The following HSD17B2 variants were observed in gnomAD, a reference collection of about 807,000 sequenced individuals.
HSD17B2 encodes 17-beta-hydroxysteroid dehydrogenase type 2.
HSD17B2 carries 32 observed loss-of-function variants against 26.9 expected under a neutral mutation model. That is an observed-to-expected ratio of 1.19 (90% CI 0.90 to 1.60). HSD17B2 has a LOEUF of 1.60. Among genes scored for constraint, HSD17B2 ranks in the 40% most tolerant of loss-of-function variants. The pLI, the probability that HSD17B2 is intolerant of heterozygous loss-of-function variation, is 0.00. For missense variants in HSD17B2, 613 were observed against 468.6 expected, an observed-to-expected ratio of 1.31 and a Z score of -2.85; for synonymous variants, 246 against 186.7, an observed-to-expected ratio of 1.32 and a Z score of -2.59.
At chr16:82,092,987 A>T (rs1466294101) in intron 4 of HSD17B2, 1 of 152,208 alleles carries the variant, frequency 6.6e-6, no homozygotes, top group Non-Finnish European at 1.5e-5. Flanking sequence ...GATTTTGGAG[A>T]TTCAGTATAA....
intron 3 of HSD17B2, among the ~76,000 whole-genome samples, chr16:82,086,457 A>G (rs1904529557): frequency 6.6e-6 from 1 of 152,228 alleles, no homozygotes; most frequent in Non-Finnish European, 1.5e-5. Context: ...TGTCAACAAT[A>G]TATCACAATG....
intron 3 of HSD17B2, among the ~76,000 whole-genome samples, chr16:82,075,430 A>T (rs1021372839): frequency 6.6e-6 from 1 of 152,096 alleles, no homozygotes; most frequent in African/African-American, 2.4e-5. Flanking sequence ...TCTGGAAAAG[A>T]TAAACAAAAT....
chr16:82,063,460 C>CA (rs1447818622), intron 1 of HSD17B2, among the ~76,000 whole-genome samples: 6 of 152,052 alleles, frequency 3.9e-5, no homozygotes, highest in Admixed American at 1.3e-4. Context: ...GCTAGACTCG[C>CA]ACCCATTCGC....
intron 1 of HSD17B2, 73 bp downstream of exon 1, chr16:82,035,762 A>T: frequency 1.4e-6 from 2 of 1,469,556 alleles, no homozygotes; most frequent in Non-Finnish European, 1.9e-6. Context: ...GGACTTTGTC[A>T]AATCTGGCTT....
rs540267714 is a variant in HSD17B2 at position 82,070,546 on chromosome 16, T to C, written c.479-396T>C. Among the ~76,000 whole-genome samples, 5 of 152,382 alleles carry C rather than the reference T, an allele frequency of 3.3e-5. No individual in the cohort carries two copies. The East Asian group carries it at 9.6e-4, about 29-fold the overall frequency. ...CGTGTTGGGGTCCGCCCATGTGGCA[T>C]GCCCGTGATGGGGAATTTATCAGTG... On this transcript the variant is annotated intron_variant, in intron 2 of 4. Transcript: ENST00000199936.
intron 1 of HSD17B2, among the ~76,000 whole-genome samples, chr16:82,035,919 G>C (rs1444995059): frequency 6.6e-6 from 1 of 152,116 alleles, no homozygotes; most frequent in Non-Finnish European, 1.5e-5. Flanking sequence ...CCCAGACAAT[G>C]ATTTTGTTAA....
intron 1 of HSD17B2, among the ~76,000 whole-genome samples, chr16:82,061,255 CA>C (rs111243931): frequency 0.092 from 10,797 of 117,898 alleles, 1,152 homozygotes; most frequent in African/African-American, 0.28. Flanking sequence ...GAGACTCTGT[CA>C]AAAAAAAAAA....
intron 1 of HSD17B2, among the ~76,000 whole-genome samples, chr16:82,049,083 C>T (rs1224771271): frequency 6.6e-6 from 1 of 152,146 alleles, no homozygotes; most frequent in Non-Finnish European, 1.5e-5. Flanking sequence ...GTTTATGACC[C>T]TTTCATATTC....
At position 82,085,677 on chromosome 16, in the gene HSD17B2, G is replaced by T. The variant is rs190006612; in HGVS notation, c.665-5225G>T. The stretch of plus-strand genomic sequence containing the variant: ...CCATTGCTTCTCAACACTGACATAT[G>T]TGGGTATCACTTGGAGATCTTGCTA... On this transcript the variant is annotated intron_variant, in intron 3 of 4. Transcript: ENST00000199936. Among the ~76,000 whole-genome samples, 16 of 152,220 alleles carry T rather than the reference G, an allele frequency of 1.1e-4. No individual in the cohort carries two copies. The East Asian group carries it at 2.7e-3, about 26-fold the overall frequency.
chr16:82,060,546 C>T (rs894626493), intron 1 of HSD17B2, among the ~76,000 whole-genome samples: 4 of 152,184 alleles, frequency 2.6e-5, no homozygotes, highest in Non-Finnish European at 5.9e-5. Context: ...TACAATCTCC[C>T]GATTCTGAGT....
Position 82,042,551 on chromosome 16 carries a change from C to G in HSD17B2, c.265+6862C>G, listed in dbSNP as rs181275535. Among the ~76,000 whole-genome samples the G allele has an allele frequency of 1.2e-4, 18 of 152,290 alleles. No homozygotes were observed. The East Asian group carries it at 3.5e-3, about 29-fold the overall frequency. ...TAAGAGGAAATAGAAAATTGTGGATCTTTGTGTGTGAAATCTCCCATTTAA... is the reference window on the plus strand; with the variant it reads ...TAAGAGGAAATAGAAAATTGTGGATGTTTGTGTGTGAAATCTCCCATTTAA... On this transcript the variant is annotated intron_variant, in intron 1 of 4. Transcript: ENST00000199936.
intron 4 of HSD17B2, chr16:82,096,931 C>T (rs1454680092): frequency 6.6e-6 from 1 of 151,674 alleles, no homozygotes; most frequent in Non-Finnish European, 1.5e-5. Context: ...ATGAATCTGT[C>T]CTATTAATCA....
chr16:82,074,342 A>C (rs1914765172), intron 3 of HSD17B2, among the ~76,000 whole-genome samples: 1 of 152,228 alleles, frequency 6.6e-6, no homozygotes, highest in Non-Finnish European at 1.5e-5. Context: ...TCTAGAAATG[A>C]GTTTATTTGT....
At chr16:82,071,815 T>A (rs1914704845) in intron 3 of HSD17B2, 1 of 155,444 alleles carries the variant, frequency 6.4e-6, no homozygotes, top group Non-Finnish European at 1.4e-5. Flanking sequence ...GGAAGATCCA[T>A]CGACCTGACT....
rs398030034 is a variant in HSD17B2 at position 82,043,684 on chromosome 16, CAAAAAAAAA to C, written c.265+8017_265+8025del. 1.1e-3 allele frequency among the ~76,000 whole-genome samples: 25 copies of C among 22,550 alleles called. 1 individual carries two copies. In the South Asian group the frequency reaches 0.041, roughly 37 times the overall value. 14.8% of individuals were successfully genotyped at this position (22,550 alleles called of 152,430 possible). On this transcript the variant is annotated intron_variant, in intron 1 of 4. Transcript: ENST00000199936. The stretch of plus-strand genomic sequence containing the variant: ...TGGGCGACAAGGCAAAACTCTGTCT[CAAAAAAAAA>C]AAAAAAAAAAAAAAAAAAAAATCAT...
At chr16:82,097,349 G>GTGTTTATA (rs1168686992) in intron 4 of HSD17B2, 2 of 57,064 alleles carry the variant, frequency 3.5e-5, no homozygotes, top group Admixed American at 2.3e-4. Context: ...TTATATATGT[G>GTGTTTATA]TACACACACA....
intron 1 of HSD17B2, among the ~76,000 whole-genome samples, chr16:82,061,035 T>C (rs1356457980): frequency 6.6e-6 from 1 of 152,018 alleles, no homozygotes; most frequent in Non-Finnish European, 1.5e-5. Flanking sequence ...CTGAGGCAGG[T>C]AGATCATGAG....
At chr16:82,093,832 A>G (rs553056860) in intron 4 of HSD17B2, 5 of 152,204 alleles carry the variant, frequency 3.3e-5, no homozygotes, top group Non-Finnish European at 5.9e-5. Flanking sequence ...TATTCTAGAC[A>G]AGGAGTGGAT....
intron 3 of HSD17B2, among the ~76,000 whole-genome samples, chr16:82,074,645 G>GATA (rs529987771): frequency 7.7e-4 from 118 of 152,274 alleles, no homozygotes; most frequent in African/African-American, 2.7e-3. Flanking sequence ...TCAGCATGAG[G>GATA]ATATAACCAT....
Sources: allele counts gnomAD v4.1 joint callset (sites outside exome capture counted in the v4.1 genomes callset), GRCh38; gene constraint gnomAD v4.1.1; transcripts MANE v1.5; gene names NCBI Gene and HGNC (gene_info 2026-07-23, HGNC 2026-07-21).